SYNE1: variants seen among roughly 807,000 people sequenced by gnomAD.
SYNE1 encodes nesprin-1.
SYNE1 carries 616 observed loss-of-function variants against 1,111.0 expected under a neutral mutation model. The observed-to-expected ratio is 0.55, with a 90% CI of 0.52 to 0.59. The LOEUF is 0.59. Ranked by LOEUF, SYNE1 falls within the 20% of genes least tolerant of loss-of-function variation. SYNE1 has a pLI of 0.00. For missense variants in SYNE1, 10,006 were observed against 10,417.0 expected (o/e 0.96, Z 1.72); for synonymous variants, 3,855 against 3,825.8 (o/e 1.01, Z -0.28).
intron 3 of SYNE1, among the ~76,000 whole-genome samples, chr6:152,625,043 C>T (rs1457123379): frequency 6.6e-6 from 1 of 152,048 alleles, no homozygotes; most frequent in Non-Finnish European, 1.5e-5. Flanking sequence ...CATATCTAGA[C>T]AAAGAAAAAG....
At chr6:152,572,855 AG>A in intron 3 of SYNE1, among the ~76,000 whole-genome samples, 1 of 152,124 alleles carries the variant, frequency 6.6e-6, no homozygotes. Flanking sequence ...TTAGTTTATG[AG>A]GGAAGGCAGG....
In SYNE1 at chr6:152,354,843, G is replaced by A. The variant is rs1052479173; in HGVS notation, c.10742C>T (p.Ala3581Val). Residue 3581 changes from alanine (A) to valine (V), a missense_variant, in exon 67 of 146, where the codon GCT becomes GTT. Ala to Val is a moderately conservative substitution (Grantham distance 64). Transcript: ENST00000367255. ...ALESLRQDWQ[A>V]YQHRLSETRT... ...AGTCTCGGACAGCCTGTGCTGGTAA[G>A]CCTGCCAGTCTTGCCGGAGAGACTC... 1.2e-6 allele frequency: 2 copies of A among 1,614,050 alleles called. No homozygotes were observed. The highest frequency in any genetic ancestry group is 1.7e-6 in the Non-Finnish European group (2 of 1,180,038).
At chr6:152,444,307 C>T (rs1482040935) in intron 30 of SYNE1, 104 bp downstream of exon 30, 1 of 1,323,636 alleles carries the variant, frequency 7.6e-7, no homozygotes, top group African/African-American at 1.4e-5. Context: ...CCCATGCCCC[C>T]TCACCCACTC....
intron 8 of SYNE1, 121 bp downstream of exon 8, chr6:152,510,072 G>T (rs1401091925): frequency 4.0e-6 from 4 of 1,007,500 alleles, no homozygotes; most frequent in Admixed American, 1.7e-5. Flanking sequence ...TGAAATAAGC[G>T]CTAAAGCAAA....
chr6:152,601,620 T>C lies in SYNE1; in HGVS notation c.67+26645A>G, dbSNP rs150241082. On this transcript the variant is annotated intron_variant, in intron 3 of 145. Coordinates refer to ENST00000367255, the MANE Select transcript of SYNE1 (RefSeq NM_182961.4). Reference sequence around the variant, plus strand: ...ATGGGTAAAAATGAAGTTCAGGCCATAGGCAGGAGGAGCCCTTAAACACCC... The same window carrying C: ...ATGGGTAAAAATGAAGTTCAGGCCACAGGCAGGAGGAGCCCTTAAACACCC... Among the ~76,000 whole-genome samples the C allele has an allele frequency of 9.2e-5, 14 of 152,260 alleles. No homozygotes were observed. In the East Asian group the frequency reaches 1.9e-3, roughly 21 times the overall value.
At chr6:152,495,630 T>G (rs1240551762) in intron 11 of SYNE1, among the ~76,000 whole-genome samples, 13 of 152,106 alleles carry the variant, frequency 8.5e-5, no homozygotes, top group Admixed American at 8.5e-4. Flanking sequence ...TGACTCATTC[T>G]GATTACCTGT....
intron 24 of SYNE1, among the ~76,000 whole-genome samples, chr6:152,454,231 CAT>C (rs1248573059): frequency 6.6e-5 from 10 of 152,278 alleles, no homozygotes; most frequent in Admixed American, 2.0e-4. Context: ...CAGAAGCACA[CAT>C]GTGCACACAT....
At chr6:152,629,421 G>A (rs968221492) in intron 2 of SYNE1, among the ~76,000 whole-genome samples, 4 of 150,014 alleles carry the variant, frequency 2.7e-5, no homozygotes, top group South Asian at 4.2e-4. Context: ...AGCCAGACTC[G>A]TCTCAAACTC....
intron 72 of SYNE1, among the ~76,000 whole-genome samples, chr6:152,348,891 T>G (rs1174675986): frequency 1.3e-5 from 2 of 152,004 alleles, no homozygotes; most frequent in African/African-American, 4.8e-5. Flanking sequence ...GGGCTAGCAG[T>G]TATCATATAT....
At chr6:152,449,150 G>T (rs113698619) in intron 28 of SYNE1, among the ~76,000 whole-genome samples, 18 of 152,300 alleles carry the variant, frequency 1.2e-4, no homozygotes, top group African/African-American at 4.1e-4. Context: ...ACCTTGCCCA[G>T]CTCCCTGATC....
At chr6:152,473,172 CAAGG>C (rs1363740414) in intron 14 of SYNE1, among the ~76,000 whole-genome samples, 1 of 152,076 alleles carries the variant, frequency 6.6e-6, no homozygotes, top group Non-Finnish European at 1.5e-5. Flanking sequence ...CACATAGAAG[CAAGG>C]AAGAAGTCAG....
At chr6:152,449,960 A>G (rs894419971) in intron 27 of SYNE1, among the ~76,000 whole-genome samples, 8 of 152,348 alleles carry the variant, frequency 5.3e-5, no homozygotes, top group African/African-American at 1.9e-4. Context: ...AGGGTGAGAC[A>G]CGAACCTATA....
chr6:152,377,641 ATATATATATAT>A (rs1236537096), intron 56 of SYNE1, among the ~76,000 whole-genome samples: 1 of 46,684 alleles, frequency 2.1e-5, no homozygotes, highest in Non-Finnish European at 3.5e-5. Flanking sequence ...AAAAAAAAAA[ATATATATATAT>A]ATATATATAT....
chr6:152,484,038 CAAAA>C (rs773019397), intron 13 of SYNE1, among the ~76,000 whole-genome samples: 1 of 53,502 alleles, frequency 1.9e-5, no homozygotes, highest in Non-Finnish European at 4.1e-5. Flanking sequence ...CTCATCTCTA[CAAAA>C]AAAAAAAAAA....
At chr6:152,509,410 C>T (rs993511187) in intron 8 of SYNE1, among the ~76,000 whole-genome samples, 1 of 151,882 alleles carries the variant, frequency 6.6e-6, no homozygotes, top group African/African-American at 2.4e-5. Context: ...GCACGCGCCA[C>T]CACGCCCAGC....
chr6:152,320,350 T>A (rs1284064229), intron 84 of SYNE1: 2 of 152,218 alleles, frequency 1.3e-5, no homozygotes, highest in Non-Finnish European at 2.9e-5. Context: ...CATCATACAT[T>A]GAAGATTCCA....
Position 152,505,416 on chromosome 6 carries a change from TA to T in SYNE1, c.582-20del. On this transcript the variant is annotated intron_variant, in intron 8 of 145. Coordinates refer to ENST00000367255, the MANE Select transcript of SYNE1 (RefSeq NM_182961.4). The stretch of plus-strand genomic sequence containing the variant: ...AGTCTGCCTTTGTGTTATAAAAACA[TA>T]AAATGATGTCACATTCTGAATAGAT... The T allele has an allele frequency of 6.2e-7, 1 of 1,612,464 alleles. No homozygotes were observed. Among genetic ancestry groups the T allele is most frequent in the South Asian group, 1.1e-5 (1 of 91,058 alleles).
At chr6:152,636,260 C>A (rs1176609762) in intron 2 of SYNE1, among the ~76,000 whole-genome samples, 1 of 152,078 alleles carries the variant, frequency 6.6e-6, no homozygotes, top group Admixed American at 6.6e-5. Context: ...AGAATCTGTT[C>A]AACGCCCTAC....
intron 12 of SYNE1, 118 bp downstream of exon 12, chr6:152,488,278 T>C (rs2098951861): frequency 8.0e-6 from 5 of 623,330 alleles, no homozygotes; most frequent in Non-Finnish European, 1.4e-5. Flanking sequence ...GAATGTTATG[T>C]CTTTAAAGAC....
Sources: allele counts gnomAD v4.1 joint callset (sites outside exome capture counted in the v4.1 genomes callset), GRCh38; gene constraint gnomAD v4.1.1; transcripts MANE v1.5; gene names NCBI Gene and HGNC (gene_info 2026-07-23, HGNC 2026-07-21).